Variants in GRSF1 observed in about 807,000 individuals in gnomAD.
GRSF1 encodes the protein G-rich sequence factor 1.
In GRSF1, 50 loss-of-function variants were observed where a neutral mutation model predicts 51.1. The ratio of observed to expected loss-of-function variants is 0.98; its 90% confidence interval spans 0.78 to 1.24. The LOEUF is 1.24. Among genes scored for constraint, GRSF1 ranks in the 50% most tolerant of loss-of-function variants. The pLI, the probability that GRSF1 is intolerant of heterozygous loss-of-function variation, is 0.00. For missense variants in GRSF1, 700 were observed against 639.7 expected (o/e 1.09, Z -1.02); for synonymous variants, 293 against 253.3 (o/e 1.16, Z -1.49).
chr4:70,821,358 G>A (rs888132485), intron 9 of GRSF1, among the ~76,000 whole-genome samples: 9 of 152,220 alleles, frequency 5.9e-5, no homozygotes, highest in African/African-American at 2.2e-4. Context: ...CCAGGAGGCA[G>A]AGGTTGCAGT....
intron 9 of GRSF1, among the ~76,000 whole-genome samples, chr4:70,823,257 C>T (rs1365785838): frequency 2.6e-5 from 4 of 151,606 alleles, no homozygotes; most frequent in South Asian, 2.1e-4. Context: ...ATTAGCTGGG[C>T]GTGGTGGTGC....
chr4:70,822,480 G>A (rs935652843), intron 9 of GRSF1, among the ~76,000 whole-genome samples: 20 of 151,802 alleles, frequency 1.3e-4, no homozygotes, highest in African/African-American at 4.1e-4. Flanking sequence ...CTACTTGGGA[G>A]GCTGAGGCAG....
intron 5 of GRSF1, among the ~76,000 whole-genome samples, chr4:70,829,215 C>T (rs1733861871): frequency 6.6e-6 from 1 of 152,044 alleles, no homozygotes; most frequent in Non-Finnish European, 1.5e-5. Flanking sequence ...TTAACATGGC[C>T]TTCTAAACTA....
At chr4:70,839,318 G>A in intron 1 of GRSF1, 153 bp downstream of exon 1, 1 of 1,502,850 alleles carries the variant, frequency 6.7e-7, no homozygotes, top group Non-Finnish European at 8.9e-7. Flanking sequence ...GGGCCCAATA[G>A]GAGCACAGGG....
At position 70,820,311 on chromosome 4, in the gene GRSF1, A is replaced by AT. The variant is rs147833252; in HGVS notation, c.*575dup. 1 of 152,618 alleles carries AT rather than the reference A, an allele frequency of 6.6e-6. No homozygotes were observed. The highest frequency in any genetic ancestry group is 1.5e-5 in the Non-Finnish European group (1 of 68,028). 9.5% of individuals were successfully genotyped at this position (152,618 alleles called of 1,614,324 possible). A position where few individuals can be genotyped will look rare whatever the true frequency, so the allele number is the denominator to read the frequency against. On this transcript the variant is annotated 3_prime_UTR_variant, in exon 10 of 10. Transcript: ENST00000254799. ...ATTGTCATTTACACTAAGCTGTGGT[A>AT]TTTTTTGTTTTGATTTTTAAAAATT...
At chr4:70,828,777 GC>G (rs1313196815) in intron 5 of GRSF1, among the ~76,000 whole-genome samples, 5 of 126,680 alleles carry the variant, frequency 3.9e-5, no homozygotes, top group Admixed American at 1.8e-4. Context: ...TGCTTTTGTT[GC>G]CCAGGCTGGA....
rs570562675 is a variant in GRSF1 at position 70,827,307 on chromosome 4, C to A, written c.1135+545G>T. ...TGTCTCAAAAAAAAAAAAATCCTTA[C>A]TTCAGTCAATATTCCTGCTCATTAT... On this transcript the variant is annotated intron_variant, in intron 6 of 9. Transcript: ENST00000254799. Among the ~76,000 whole-genome samples the A allele has an allele frequency of 4.0e-5, 6 of 150,318 alleles. No individual in the cohort carries two copies. The South Asian group carries it at 8.5e-4, about 21-fold the overall frequency.
chr4:70,827,920 A>G lies in GRSF1; in HGVS notation c.1067T>C (p.Val356Ala), dbSNP rs777266558. Reference protein sequence around the residue: ...TAKYITEPEMVFEEHEVNEDI... With the variant: ...TAKYITEPEMAFEEHEVNEDI... The stretch of plus-strand genomic sequence containing the variant: ...CTCATTTACTTCATGTTCTTCAAAG[A>G]CCATTTCTGGCTCAGTTATATACTT... The change falls in exon 6 of 10, where the codon GTC becomes GCC. Residue 356 changes from valine to alanine, a missense_variant. Coordinates refer to ENST00000254799, the MANE Select transcript of GRSF1 (RefSeq NM_002092.4). 2 of 1,613,156 alleles carry G rather than the reference A, an allele frequency of 1.2e-6. No individual in the cohort carries two copies. The highest frequency in any genetic ancestry group is 2.2e-5 in the East Asian group (1 of 44,886).
chr4:70,832,574 C>T (rs1734027521), intron 3 of GRSF1, 124 bp from the exon 4 acceptor site: 2 of 604,574 alleles, frequency 3.3e-6, no homozygotes, highest in South Asian at 4.4e-5. Flanking sequence ...TCTTTATGCG[C>T]TTCTCTAGAG....
intron 6 of GRSF1, 27 bp from the exon 7 acceptor site, chr4:70,826,272 T>G (rs1451340651): frequency 6.3e-7 from 1 of 1,577,050 alleles, no homozygotes; most frequent in East Asian, 2.2e-5. Flanking sequence ...AAAGCACTGT[T>G]AAAACATAAC....
At chr4:70,835,919 CAA>C (rs1412504608) in intron 2 of GRSF1, among the ~76,000 whole-genome samples, 1 of 152,154 alleles carries the variant, frequency 6.6e-6, no homozygotes, top group Non-Finnish European at 1.5e-5. Flanking sequence ...GCCCCTGGCC[CAA>C]AGTCTTTCAA....
upstream of GRSF1, among the ~76,000 whole-genome samples, chr4:70,840,859 G>A (rs1008280821): frequency 1.3e-5 from 2 of 152,130 alleles, no homozygotes; most frequent in Non-Finnish European, 2.9e-5. Flanking sequence ...CTGTGCCACC[G>A]AAACCCGTGG....
Position 70,839,672 on chromosome 4 carries a change from C to A in GRSF1, c.156G>T (p.Leu52=). The change falls in exon 1 of 10, where the codon CTG becomes CTT. Residue 52 remains leucine, a synonymous_variant. Transcript: ENST00000254799. Reference sequence around the variant, plus strand: ...AGGCAGCGGCCGCGGCGGCCCCGAGCAGCAGCAGCAGGCGGCGGCGGCCCG... The same window carrying A: ...AGGCAGCGGCCGCGGCGGCCCCGAGAAGCAGCAGCAGGCGGCGGCGGCCCG... ...GVSGRRRLLL[L]LGAAAAAASQ... is the part of the protein sequence containing the mutation. 1 of 1,417,340 alleles carries A rather than the reference C, an allele frequency of 7.1e-7. No homozygotes were observed. The highest frequency in any genetic ancestry group is 1.5e-5 in the South Asian group (1 of 67,246). The allele number at this position is 1,417,340 out of a possible 1,614,324, so 87.8% of individuals were successfully genotyped here. A position where few individuals can be genotyped will look rare whatever the true frequency, so the allele number is the denominator to read the frequency against.
intron 5 of GRSF1, among the ~76,000 whole-genome samples, chr4:70,829,261 A>T (rs1051500782): frequency 1.3e-5 from 2 of 152,142 alleles, no homozygotes; most frequent in African/African-American, 4.8e-5. Flanking sequence ...ACAAATCTAT[A>T]AAGATTAGAT....
upstream of GRSF1, among the ~76,000 whole-genome samples, chr4:70,842,000 G>A (rs760913971): frequency 1.2e-4 from 19 of 152,164 alleles, no homozygotes; most frequent in Non-Finnish European, 2.5e-4. Context: ...TCCCTCAGAG[G>A]AGTCCCAGAA....
intron 6 of GRSF1, 31 bp downstream of exon 6, chr4:70,827,821 C>G: frequency 6.8e-7 from 1 of 1,480,262 alleles, no homozygotes. Flanking sequence ...AAGATAGACC[C>G]AATGAGTCTC....
At position 70,836,277 on chromosome 4, in the gene GRSF1, G is replaced by T. The variant is rs1734205879; in HGVS notation, c.395C>A (p.Pro132His). ...KTTYLEDLPP[P>H]PEYELAPSKL... ...GGACGGGGCCAATTCATACTCAGGG[G>T]GTGGTGGAAGGTCTTCCAGGTAAGT... The change falls in exon 2 of 10, where the codon CCC becomes CAC. Residue 132 changes from proline (P) to histidine (H), a missense_variant. Physicochemically the swap from Pro to His is moderately conservative, Grantham distance 77. Transcript: ENST00000254799. 6.3e-7 allele frequency: 1 copy of T among 1,596,396 alleles called. No individual in the cohort carries two copies. The highest frequency in any genetic ancestry group is 8.5e-7 in the Non-Finnish European group (1 of 1,175,008).
chr4:70,842,163 G>A (rs949776893), upstream of GRSF1, among the ~76,000 whole-genome samples: 1 of 152,174 alleles, frequency 6.6e-6, no homozygotes, highest in African/African-American at 2.4e-5. Flanking sequence ...CTGAGGTCAG[G>A]CTGGTTTTTG....
chr4:70,821,607 C>CA (rs756802771), intron 9 of GRSF1, among the ~76,000 whole-genome samples: 797 of 63,250 alleles, frequency 0.013, 5 homozygotes, highest in Middle Eastern at 0.015. Flanking sequence ...CTCCGTCTCC[C>CA]AAAAAAAAAA....
Sources: allele counts gnomAD v4.1 joint callset (sites outside exome capture counted in the v4.1 genomes callset), GRCh38; gene constraint gnomAD v4.1.1; transcripts MANE v1.5; gene names NCBI Gene and HGNC (gene_info 2026-07-23, HGNC 2026-07-21).